ESR2: variants seen among roughly 807,000 people sequenced by gnomAD.
The protein encoded by ESR2 is estrogen receptor beta.
ESR2 carries 36 observed loss-of-function variants against 49.6 expected under a neutral mutation model. The observed-to-expected ratio is 0.73, with a 90% confidence interval of 0.56 to 0.96. ESR2 has a LOEUF of 0.96. Among genes scored for constraint, ESR2 ranks in the 40% least tolerant of loss-of-function variants. ESR2 has a pLI of 0.00. For missense variants in ESR2, 714 were observed against 693.0 expected, an observed-to-expected ratio of 1.03 and a Z score of -0.34; for synonymous variants, 320 against 266.1, an observed-to-expected ratio of 1.20 and a Z score of -1.97.
intron 7 of ESR2, among the ~76,000 whole-genome samples, chr14:64,239,874 AAGAG>A (rs775596534): frequency 4.6e-5 from 7 of 152,214 alleles, no homozygotes; most frequent in Non-Finnish European, 1.0e-4. Context: ...TTGCCTCCCC[AAGAG>A]AGAAATATGT....
intron 1 of ESR2, among the ~76,000 whole-genome samples, chr14:64,324,251 C>A (rs1314623895): frequency 1.3e-5 from 2 of 152,064 alleles, no homozygotes. Flanking sequence ...AGACACTAAA[C>A]TTTCCATATT....
chr14:64,292,752 G>C (rs530407317), intron 1 of ESR2, among the ~76,000 whole-genome samples: 220 of 152,194 alleles, frequency 1.4e-3, no homozygotes, highest in Non-Finnish European at 2.5e-3. Flanking sequence ...ATTCTTAAAA[G>C]TGAACATATC....
At chr14:64,299,614 C>T (rs753393374) in intron 1 of ESR2, among the ~76,000 whole-genome samples, 8 of 152,038 alleles carry the variant, frequency 5.3e-5, no homozygotes, top group Non-Finnish European at 1.0e-4. Context: ...CACCCGCCTC[C>T]GCCTCCCAAA....
chr14:64,227,732 G>A (rs2098722882), downstream of ESR2: 1 of 1,565,364 alleles, frequency 6.4e-7, no homozygotes, highest in Non-Finnish European at 8.6e-7. Flanking sequence ...GGGCCTTTAA[G>A]CTGGTTTGCT....
chr14:64,320,737 A>C (rs1278951278), intron 1 of ESR2, among the ~76,000 whole-genome samples: 1 of 151,542 alleles, frequency 6.6e-6, no homozygotes, highest in African/African-American at 2.4e-5. Context: ...TACTAAAAAA[A>C]GTACAAAATT....
chr14:64,290,265 C>T (rs1003247740), intron 1 of ESR2, among the ~76,000 whole-genome samples: 2 of 152,104 alleles, frequency 1.3e-5, no homozygotes, highest in Non-Finnish European at 2.9e-5. Flanking sequence ...GAGATAGGGT[C>T]TCACTGTGTT....
intron 4 of ESR2, among the ~76,000 whole-genome samples, chr14:64,262,387 T>G (rs919362164): frequency 6.6e-6 from 1 of 152,102 alleles, no homozygotes; most frequent in African/African-American, 2.4e-5. Flanking sequence ...AGTGCTGGGA[T>G]TACAGGCATA....
At chr14:64,264,281 A>G (rs917134009) in intron 4 of ESR2, among the ~76,000 whole-genome samples, 1 of 152,202 alleles carries the variant, frequency 6.6e-6, no homozygotes. Flanking sequence ...AATTTGTCAG[A>G]ATTTCCTCTT....
intron 4 of ESR2, among the ~76,000 whole-genome samples, chr14:64,267,535 GAGAAA>G (rs1208352046): frequency 6.6e-5 from 10 of 152,172 alleles, no homozygotes; most frequent in Admixed American, 4.6e-4. Flanking sequence ...TACATACACA[GAGAAA>G]AGAAAAGGGC....
At chr14:64,278,377 G>T (rs2076598615) in intron 3 of ESR2, among the ~76,000 whole-genome samples, 1 of 152,174 alleles carries the variant, frequency 6.6e-6, no homozygotes. Context: ...GGACAGGTAG[G>T]AAGGTGACTA....
intron 7 of ESR2, among the ~76,000 whole-genome samples, chr14:64,243,593 C>T (rs1227192875): frequency 6.6e-6 from 1 of 152,190 alleles, no homozygotes; most frequent in African/African-American, 2.4e-5. Flanking sequence ...GTTTGATCCT[C>T]CAGGCTTGCT....
chr14:64,323,609 G>A (rs1274185695), intron 1 of ESR2, among the ~76,000 whole-genome samples: 3 of 152,168 alleles, frequency 2.0e-5, no homozygotes, highest in Non-Finnish European at 2.9e-5. Flanking sequence ...CATATTCAAA[G>A]GCAGAGGTGG....
chr14:64,255,558 T>C (rs570220590), intron 6 of ESR2, among the ~76,000 whole-genome samples: 1 of 152,336 alleles, frequency 6.6e-6, no homozygotes, highest in South Asian at 2.1e-4. Context: ...AGTTTGCCAT[T>C]TGGCAACCCC....
At position 64,228,722 on chromosome 14, in the gene ESR2, C is replaced by T. The variant is rs781363735; in HGVS notation, c.*4415G>A. ...TGGTATCACCACTCCTTATGTGCTT[C>T]CCATAGAGGAAACCCACCACCAGTT... is the stretch of plus-strand genomic sequence containing the variant. On this transcript the variant is annotated 3_prime_UTR_variant, in exon 9 of 9. Transcript: ENST00000341099. Among the ~76,000 whole-genome samples, 12 of 152,292 alleles carry T rather than the reference C, an allele frequency of 7.9e-5. No individual in the cohort carries two copies. The highest frequency in any genetic ancestry group is 2.0e-4 in the Admixed American group (3 of 15,296).
rs941033878 is a variant in ESR2 at position 64,230,190 on chromosome 14, C to T, written c.*2947G>A. On this transcript the variant is annotated 3_prime_UTR_variant, in exon 9 of 9. Coordinates refer to ENST00000341099, the MANE Select transcript of ESR2 (RefSeq NM_001437.3). Reference sequence around the variant, plus strand: ...CTAGCCTGAGCAACAGGAGTCAGACCCTGTCTCAAAAAAAAAAAAAAAAAG... The same window carrying T: ...CTAGCCTGAGCAACAGGAGTCAGACTCTGTCTCAAAAAAAAAAAAAAAAAG... Among the ~76,000 whole-genome samples, 32 of 131,692 alleles carry T rather than the reference C, an allele frequency of 2.4e-4. No individual in the cohort carries two copies. Among genetic ancestry groups the T allele is most frequent in the Non-Finnish European group, 3.3e-5 (2 of 61,508 alleles). 86.4% of individuals were successfully genotyped at this position (131,692 alleles called of 152,430 possible). A position where few individuals can be genotyped will look rare whatever the true frequency, so the allele number is the denominator to read the frequency against.
At position 64,282,360 on chromosome 14, in the gene ESR2, G is replaced by C. The variant is rs116417185; in HGVS notation, c.362+264C>G. Reference sequence around the variant, plus strand: ...ACCCTGTCTCAAAAAAAGAAAAGGAGTGACTTAAGTTCAGTATTTACTGTA... The same window carrying C: ...ACCCTGTCTCAAAAAAAGAAAAGGACTGACTTAAGTTCAGTATTTACTGTA... On this transcript the variant is annotated intron_variant, in intron 2 of 8. Coordinates refer to ENST00000341099, the MANE Select transcript of ESR2 (RefSeq NM_001437.3). 3.6e-3 allele frequency among the ~76,000 whole-genome samples: 541 copies of C among 152,136 alleles called. 9 individuals are homozygous for C. The highest frequency in any genetic ancestry group is 0.013 in the African/African-American group (527 of 41,512).
At chr14:64,253,623 T>C (rs2076038547) in intron 6 of ESR2, among the ~76,000 whole-genome samples, 1 of 151,730 alleles carries the variant, frequency 6.6e-6, no homozygotes, top group Non-Finnish European at 1.5e-5. Context: ...TGTGTGTATA[T>C]ATATATATAT....
chr14:64,331,396 A>G (rs112626081), intron 1 of ESR2, among the ~76,000 whole-genome samples: 2,565 of 152,358 alleles, frequency 0.017, 80 homozygotes, highest in African/African-American at 0.058. Context: ...ATCCTTAATC[A>G]GTGATGGATA....
intron 7 of ESR2, among the ~76,000 whole-genome samples, chr14:64,243,635 G>A (rs1168105911): frequency 6.6e-6 from 1 of 152,198 alleles, no homozygotes; most frequent in African/African-American, 2.4e-5. Context: ...ATGGCTTTTA[G>A]TCTAGGCCCA....
Sources: gnomAD v4.1 joint callset for allele counts (sites outside exome capture counted in the v4.1 genomes callset) on GRCh38, gnomAD v4.1.1 for gene constraint, MANE v1.5 for transcripts, NCBI Gene and HGNC (gene_info 2026-07-23, HGNC 2026-07-21) for gene names.